The following DHRSX variants were observed in gnomAD, a reference collection of about 807,000 sequenced individuals.
The protein encoded by DHRSX is dehydrogenase/reductase X-linked.
In DHRSX, 31 loss-of-function variants were observed where a neutral mutation model predicts 34.0. That is an observed-to-expected ratio of 0.91 (90% CI 0.69 to 1.23). The LOEUF (loss-of-function observed/expected upper bound fraction) is 1.23. DHRSX is among the 50% of genes most tolerant of loss of function. DHRSX has a pLI of 0.00. For synonymous variants in DHRSX, 201 were observed against 183.8 expected, an observed-to-expected ratio of 1.09 and a Z score of -0.76; for missense variants, 414 against 428.1, an observed-to-expected ratio of 0.97 and a Z score of 0.29.
intron 3 of DHRSX, among the ~76,000 whole-genome samples, chrX:2,315,190 C>A (rs1028202559): frequency 6.6e-6 from 1 of 151,068 alleles, no homozygotes; most frequent in African/African-American, 2.4e-5. Context: ...AGGTCTTAAG[C>A]GTGAGCTGCC....
chrX:2,252,779 G>A (rs1420686381), intron 5 of DHRSX, among the ~76,000 whole-genome samples: 1 of 152,168 alleles, frequency 6.6e-6, no homozygotes, highest in African/African-American at 2.4e-5. Flanking sequence ...CTGGGGTGGG[G>A]GTTAGGGATG....
intron 3 of DHRSX, among the ~76,000 whole-genome samples, chrX:2,347,803 G>T (rs1039055482): frequency 6.6e-6 from 1 of 152,202 alleles, no homozygotes; most frequent in East Asian, 1.9e-4. Flanking sequence ...CCATAATGCG[G>T]TGTCCAGCAA....
At chrX:2,432,917 G>T (rs1023374850) in intron 1 of DHRSX, among the ~76,000 whole-genome samples, 2 of 152,216 alleles carry the variant, frequency 1.3e-5, no homozygotes, top group Admixed American at 1.3e-4. Flanking sequence ...GAGGCCAAAA[G>T]CTCAGGACCA....
chrX:2,288,939 A>C (rs2041836533), intron 4 of DHRSX, among the ~76,000 whole-genome samples: 1 of 152,178 alleles, frequency 6.6e-6, no homozygotes, highest in Admixed American at 6.5e-5. Flanking sequence ...TGCAATAGCC[A>C]TTTCAAAAGG....
intron 2 of DHRSX, among the ~76,000 whole-genome samples, chrX:2,419,456 T>A (rs1219777926): frequency 6.6e-6 from 1 of 152,044 alleles, no homozygotes; most frequent in East Asian, 1.9e-4. Flanking sequence ...GACCCAGCCA[T>A]CCCATTACTG....
chrX:2,322,921 G>T (rs73628302), intron 3 of DHRSX, among the ~76,000 whole-genome samples: 275 of 151,914 alleles, frequency 1.8e-3, no homozygotes, highest in African/African-American at 6.4e-3. Flanking sequence ...CTAGTTTTTT[G>T]TTGTTGTTGT....
chrX:2,373,513 T>C (rs1407254268), intron 3 of DHRSX, among the ~76,000 whole-genome samples: 1 of 152,162 alleles, frequency 6.6e-6, no homozygotes, highest in East Asian at 1.9e-4. Flanking sequence ...CCCCCAGCTC[T>C]AATGCTTTCC....
intron 3 of DHRSX, among the ~76,000 whole-genome samples, chrX:2,291,856 G>A (rs2041869730): frequency 6.6e-6 from 1 of 151,140 alleles, no homozygotes; most frequent in Admixed American, 6.6e-5. Context: ...TGGGATTACA[G>A]GCACATGCCA....
At chrX:2,221,821 C>T (rs1296776138) in intron 6 of DHRSX, among the ~76,000 whole-genome samples, 1 of 152,132 alleles carries the variant, frequency 6.6e-6, no homozygotes. Context: ...AAACACAGCA[C>T]ACCCTGGTTT....
intron 1 of DHRSX, chrX:2,490,753 T>C: frequency 6.3e-7 from 1 of 1,592,762 alleles, no homozygotes; most frequent in Non-Finnish European, 8.6e-7. Flanking sequence ...GCTGGACGGC[T>C]GCTCATGCGT....
At chrX:2,479,610 G>A (rs1475435877) in intron 1 of DHRSX, among the ~76,000 whole-genome samples, 6 of 150,786 alleles carry the variant, frequency 4.0e-5, no homozygotes, top group Non-Finnish European at 8.8e-5. Context: ...CCCTAAGCAT[G>A]TGGCCCAAGG....
Position 2,455,610 on chromosome X carries a change from A to G in DHRSX, c.110-30306T>C, listed in dbSNP as rs759514596. 5.9e-5 allele frequency among the ~76,000 whole-genome samples: 9 copies of G among 151,996 alleles called. No individual in the cohort carries two copies. In the South Asian group the frequency reaches 1.9e-3, roughly 32 times the overall value. On this transcript the variant is annotated intron_variant, in intron 1 of 6. Transcript: ENST00000334651. The stretch of plus-strand genomic sequence containing the variant: ...TACAAAATTAGTCGGGCATGGTGGC[A>G]CACACCTATAATCCCAGCTACGTGA...
At chrX:2,481,267 T>C (rs750399839) in intron 1 of DHRSX, among the ~76,000 whole-genome samples, 116 of 152,328 alleles carry the variant, frequency 7.6e-4, no homozygotes, top group Non-Finnish European at 1.4e-3. Flanking sequence ...CGAGGACAGC[T>C]GTGACATATT....
intron 6 of DHRSX, 33 bp from the exon 7 acceptor site, chrX:2,221,262 T>C: frequency 6.3e-7 from 1 of 1,599,234 alleles, no homozygotes; most frequent in South Asian, 1.1e-5. Context: ...CTACGATGAG[T>C]CAAATTTCTG....
intron 3 of DHRSX, among the ~76,000 whole-genome samples, chrX:2,400,915 T>C (rs2043477588): frequency 6.6e-6 from 1 of 152,162 alleles, no homozygotes; most frequent in Non-Finnish European, 1.5e-5. Flanking sequence ...ATTTTCAAAG[T>C]AGAAGTGCCT....
At chrX:2,355,731 A>G (rs1387341655) in intron 3 of DHRSX, among the ~76,000 whole-genome samples, 1 of 152,006 alleles carries the variant, frequency 6.6e-6, no homozygotes, top group African/African-American at 2.4e-5. Flanking sequence ...CATCCTAGAG[A>G]AGCCCGGACA....
At chrX:2,379,929 C>T (rs1309280528) in intron 3 of DHRSX, among the ~76,000 whole-genome samples, 1 of 152,048 alleles carries the variant, frequency 6.6e-6, no homozygotes, top group Non-Finnish European at 1.5e-5. Flanking sequence ...AGCAGGACCG[C>T]CAGAATCTGA....
At chrX:2,265,756 G>A (rs1318523864) in intron 5 of DHRSX, among the ~76,000 whole-genome samples, 3 of 142,052 alleles carry the variant, frequency 2.1e-5, no homozygotes, top group African/African-American at 5.3e-5. Context: ...CAGAGCACCA[G>A]TGCTTGGCAG....
At chrX:2,490,133 A>G in intron 1 of DHRSX, 1 of 1,613,880 alleles carries the variant, frequency 6.2e-7, no homozygotes, top group Non-Finnish European at 8.5e-7. Context: ...GTCGGTGGAG[A>G]TGCCACACCA....
Sources: gnomAD v4.1 joint callset for allele counts (sites outside exome capture counted in the v4.1 genomes callset) on GRCh38, gnomAD v4.1.1 for gene constraint, MANE v1.5 for transcripts, NCBI Gene and HGNC (gene_info 2026-07-23, HGNC 2026-07-21) for gene names.